ABCA13: variants seen among roughly 807,000 people sequenced by gnomAD.
ABCA13 encodes the protein ATP-binding cassette sub-family A member 13.
In ABCA13, 476 loss-of-function variants were observed where a neutral mutation model predicts 478.7. That is an observed-to-expected ratio of 0.99 (90% CI 0.92 to 1.07). The LOEUF (loss-of-function observed/expected upper bound fraction) is 1.07. Ranked by LOEUF, ABCA13 falls within the 50% of genes least tolerant of loss-of-function variation. ABCA13 has a pLI of 0.00. For synonymous variants in ABCA13, 2,252 were observed against 2,158.9 expected (o/e 1.04, Z -1.20); for missense variants, 6,060 against 5,910.6 (o/e 1.03, Z -0.83).
intron 24 of ABCA13, among the ~76,000 whole-genome samples, chr7:48,312,028 G>T (rs1158489235): frequency 1.3e-5 from 2 of 152,124 alleles, no homozygotes; most frequent in African/African-American, 4.8e-5. Flanking sequence ...TAGAAGAAGT[G>T]ACAAAAGCTA....
intron 59 of ABCA13, among the ~76,000 whole-genome samples, chr7:48,631,463 A>G (rs1283852974): frequency 6.6e-6 from 1 of 152,074 alleles, no homozygotes; most frequent in Non-Finnish European, 1.5e-5. Context: ...AGATAGTTGT[A>G]GGTGTACAAT....
chr7:48,564,376 A>G (rs1351642254), intron 55 of ABCA13, among the ~76,000 whole-genome samples: 2 of 152,076 alleles, frequency 1.3e-5, no homozygotes, highest in African/African-American at 4.8e-5. Context: ...ACTGGTTATC[A>G]ACAGCTTATT....
intron 59 of ABCA13, among the ~76,000 whole-genome samples, chr7:48,624,059 AGTGT>A (rs3078326): frequency 0.18 from 25,297 of 142,270 alleles, 2,139 homozygotes; most frequent in South Asian, 0.22. Flanking sequence ...CACATGATAG[AGTGT>A]GTGTGTGTGT....
chr7:48,511,940 A>G (rs980485240), intron 51 of ABCA13, among the ~76,000 whole-genome samples: 13 of 152,212 alleles, frequency 8.5e-5, no homozygotes, highest in African/African-American at 2.4e-4. Context: ...TTGTATTTAT[A>G]TAAGTGCCCT....
At chr7:48,640,514 T>A (rs1185527801) in intron 59 of ABCA13, among the ~76,000 whole-genome samples, 1 of 152,224 alleles carries the variant, frequency 6.6e-6, no homozygotes, top group African/African-American at 2.4e-5. Flanking sequence ...TGTAAGCACC[T>A]TTACCTACAG....
At chr7:48,597,118 A>AT in intron 58 of ABCA13, among the ~76,000 whole-genome samples, 1 of 151,856 alleles carries the variant, frequency 6.6e-6, no homozygotes, top group South Asian at 2.1e-4. Context: ...AGCCTGGCTA[A>AT]TTTTTTGTAT....
At chr7:48,184,858 C>T (rs2128878046) in intron 1 of ABCA13, among the ~76,000 whole-genome samples, 1 of 152,246 alleles carries the variant, frequency 6.6e-6, no homozygotes, top group East Asian at 1.9e-4. Context: ...TTTATTGAGA[C>T]AGGATCTCAC....
chr7:48,243,451 A>T (rs139818052), intron 10 of ABCA13, among the ~76,000 whole-genome samples: 64 of 152,320 alleles, frequency 4.2e-4, no homozygotes, highest in Admixed American at 4.1e-3. Context: ...GCTTCACTCT[A>T]GCATGAGGTG....
In ABCA13 at chr7:48,528,277, G is replaced by A. The variant is rs777338032; in HGVS notation, c.14286G>A (p.Thr4762=). ...LLGVNGAGKS[T]TFKMLNGEVS... Reference sequence around the variant, plus strand: ...GGGTGAATGGAGCTGGGAAGAGCACGACTTTCAAAATGCTGAATGGTGAAG... The same window carrying A: ...GGGTGAATGGAGCTGGGAAGAGCACAACTTTCAAAATGCTGAATGGTGAAG... Residue 4762 remains threonine, a synonymous_variant, in exon 55 of 62, where the codon ACG becomes ACA. Coordinates refer to ENST00000435803, the MANE Select transcript of ABCA13 (RefSeq NM_152701.5). 5.1e-6 allele frequency: 8 copies of A among 1,579,668 alleles called. No homozygotes were observed. Among genetic ancestry groups the A allele is most frequent in the African/African-American group, 1.3e-5 (1 of 74,460 alleles).
intron 45 of ABCA13, among the ~76,000 whole-genome samples, chr7:48,476,486 A>C (rs1305719242): frequency 6.6e-6 from 1 of 151,974 alleles, no homozygotes; most frequent in East Asian, 1.9e-4. Context: ...TTTTTAAAGA[A>C]AGGGTTTGGA....
chr7:48,229,720 C>T, intron 6 of ABCA13, 105 bp from the exon 7 acceptor site: 1 of 1,360,126 alleles, frequency 7.4e-7, no homozygotes, highest in Non-Finnish European at 1.0e-6. Flanking sequence ...CATCTTGCAA[C>T]AGCACTAGGG....
At chr7:48,392,181 A>G (rs1017102684) in intron 38 of ABCA13, 42 bp downstream of exon 38, 1 of 1,569,034 alleles carries the variant, frequency 6.4e-7, no homozygotes, top group Non-Finnish European at 8.8e-7. Context: ...GCCTCTGCCC[A>G]TTGTGTAAGG....
At chr7:48,401,287 AAAAAT>A (rs1817566627) in intron 38 of ABCA13, among the ~76,000 whole-genome samples, 3 of 152,362 alleles carry the variant, frequency 2.0e-5, no homozygotes, top group Non-Finnish European at 2.9e-5. Flanking sequence ...CTAACATTTA[AAAAAT>A]AAAATAAAGT....
chr7:48,219,526 T>C, intron 4 of ABCA13, 21 bp downstream of exon 4: 1 of 1,597,006 alleles, frequency 6.3e-7, no homozygotes. Flanking sequence ...CTCTCATAAC[T>C]GTGACACTAC....
chr7:48,604,195 T>G (rs755512673), intron 58 of ABCA13, among the ~76,000 whole-genome samples: 2 of 152,186 alleles, frequency 1.3e-5, no homozygotes, highest in Non-Finnish European at 2.9e-5. Flanking sequence ...CTGGATTCAT[T>G]GATTTTTTGA....
intron 42 of ABCA13, among the ~76,000 whole-genome samples, chr7:48,437,846 C>A (rs1823051125): frequency 6.6e-6 from 1 of 152,044 alleles, no homozygotes; most frequent in South Asian, 2.1e-4. Context: ...CCTATCTGAG[C>A]CTGTGTAAGT....
At chr7:48,208,717 AG>A (rs1297055833) in intron 3 of ABCA13, among the ~76,000 whole-genome samples, 16 of 152,080 alleles carry the variant, frequency 1.1e-4, no homozygotes, top group African/African-American at 3.6e-4. Context: ...TGAAGTCTTT[AG>A]GTTTTTCTAA....
At chr7:48,539,532 A>G (rs1342656145) in intron 55 of ABCA13, among the ~76,000 whole-genome samples, 1 of 152,122 alleles carries the variant, frequency 6.6e-6, no homozygotes, top group Admixed American at 6.6e-5. Flanking sequence ...CACAATAATC[A>G]ATTGGTTTTC....
intron 5 of ABCA13, 109 bp downstream of exon 5, chr7:48,221,418 A>T (rs1011192091): frequency 1.2e-5 from 7 of 576,466 alleles, no homozygotes; most frequent in African/African-American, 4.0e-5. Context: ...AATGACTTGT[A>T]TAACAATTGT....
Sources: gnomAD v4.1 joint callset for allele counts (sites outside exome capture counted in the v4.1 genomes callset) on GRCh38, gnomAD v4.1.1 for gene constraint, MANE v1.5 for transcripts, NCBI Gene and HGNC (gene_info 2026-07-23, HGNC 2026-07-21) for gene names.